ARHGEF33: variants seen among roughly 807,000 people sequenced by gnomAD.
ARHGEF33 encodes Rho guanine nucleotide exchange factor 33.
Under a neutral mutation model 101.9 loss-of-function variants are expected in ARHGEF33, and 72 were observed. The ratio of observed to expected loss-of-function variants is 0.71; its 90% CI spans 0.58 to 0.86. The LOEUF (loss-of-function observed/expected upper bound fraction) is 0.86, where lower values mean the gene tolerates loss of function less well. ARHGEF33 is among the 40% of genes least tolerant of loss of function. The pLI is 0.00. For synonymous variants in ARHGEF33, 499 were observed against 442.5 expected, an observed-to-expected ratio of 1.13 and a Z score of -1.60; for missense variants, 1,169 against 1,111.3, an observed-to-expected ratio of 1.05 and a Z score of -0.74.
intron 16 of ARHGEF33, among the ~76,000 whole-genome samples, chr2:38,965,737 T>C (rs1297727428): frequency 6.6e-6 from 1 of 151,646 alleles, no homozygotes; most frequent in Non-Finnish European, 1.5e-5. Context: ...GCTAATGTTC[T>C]TTATTTCCTT....
Position 38,929,080 on chromosome 2 carries a change from C to T in ARHGEF33, c.240+9C>T. On this transcript the variant is annotated intron_variant, in intron 5 of 17. Transcript: ENST00000409978. ...CATTAAACTATTTCAAGGTAGGCCT[C>T]TCTTTAATTTCCCTGCTGACAAGAG... The T allele has an allele frequency of 6.5e-7, 1 of 1,541,332 alleles. No individual in the cohort carries two copies. The highest frequency in any genetic ancestry group is 1.2e-5 in the South Asian group (1 of 82,378).
rs776287431 is a variant in ARHGEF33 at position 38,937,326 on chromosome 2, C to T, written c.566-9C>T. ...CTTTGTTTCCCCGCCCCTCCCCCCA[C>T]CCCACCAGGAGTGAACCCAACAACT... On this transcript the variant is annotated splice_polypyrimidine_tract_variant and intron_variant, in intron 8 of 17. Coordinates refer to ENST00000409978, the MANE Select transcript of ARHGEF33 (RefSeq NM_001145451.5). The T allele has an allele frequency of 5.3e-5, 22 of 411,408 alleles. No individual in the cohort carries two copies. Among genetic ancestry groups the T allele is most frequent in the East Asian group, 1.8e-4 (2 of 10,812 alleles). 25.5% of individuals were successfully genotyped at this position (411,408 alleles called of 1,614,324 possible). A position where few individuals can be genotyped will look rare whatever the true frequency, so the allele number is the denominator to read the frequency against.
At chr2:38,930,182 A>G (rs989339823) in intron 6 of ARHGEF33, among the ~76,000 whole-genome samples, 4 of 152,204 alleles carry the variant, frequency 2.6e-5, no homozygotes, top group African/African-American at 9.7e-5. Context: ...TTCTTTTTTT[A>G]TTAACTTTCT....
intron 2 of ARHGEF33, among the ~76,000 whole-genome samples, chr2:38,896,600 A>G (rs941657880): frequency 6.6e-6 from 1 of 152,208 alleles, no homozygotes; most frequent in African/African-American, 2.4e-5. Context: ...CCCACTTGAC[A>G]GTTGAGGGAG....
chr2:38,944,912 G>A (rs1032679954), intron 10 of ARHGEF33, among the ~76,000 whole-genome samples: 1 of 126,852 alleles, frequency 7.9e-6, no homozygotes, highest in Non-Finnish European at 1.6e-5. Context: ...CGCGCTCATA[G>A]GGTCTGCCAC....
At chr2:38,955,675 T>A (rs149388560) in intron 13 of ARHGEF33, among the ~76,000 whole-genome samples, 155 of 151,604 alleles carry the variant, frequency 1.0e-3, no homozygotes, top group Non-Finnish European at 2.1e-3. Flanking sequence ...TATTTATTTA[T>A]TTATTTATTT....
At chr2:38,899,434 C>G (rs1029353193) in intron 2 of ARHGEF33, among the ~76,000 whole-genome samples, 1 of 151,982 alleles carries the variant, frequency 6.6e-6, no homozygotes, top group African/African-American at 2.4e-5. Flanking sequence ...ATATTATGCT[C>G]AGAGAAATAA....
chr2:38,914,839 A>T (rs1403727740), intron 2 of ARHGEF33, among the ~76,000 whole-genome samples: 1 of 152,138 alleles, frequency 6.6e-6, no homozygotes. Context: ...TTATATGAGG[A>T]TGGAAAAAAT....
chr2:38,918,596 C>T (rs1402269960), intron 2 of ARHGEF33, among the ~76,000 whole-genome samples: 1 of 152,168 alleles, frequency 6.6e-6, no homozygotes, highest in African/African-American at 2.4e-5. Flanking sequence ...ATGGTCGTGT[C>T]AGACACAGCA....
chr2:38,925,905 C>T (rs1424659178), intron 4 of ARHGEF33, among the ~76,000 whole-genome samples: 1 of 151,828 alleles, frequency 6.6e-6, no homozygotes, highest in Non-Finnish European at 1.5e-5. Context: ...GTCCATAAAA[C>T]ACAAGTTGAA....
chr2:38,920,276 T>G (rs1666726029), intron 3 of ARHGEF33, among the ~76,000 whole-genome samples: 2 of 152,154 alleles, frequency 1.3e-5, no homozygotes, highest in South Asian at 4.1e-4. Context: ...AGCAACGAGC[T>G]GAATGTTTTA....
intron 2 of ARHGEF33, among the ~76,000 whole-genome samples, chr2:38,919,020 C>T (rs896917822): frequency 8.5e-5 from 13 of 152,132 alleles, no homozygotes; most frequent in African/African-American, 1.7e-4. Flanking sequence ...CACTCTATCC[C>T]GGGTGACAGA....
At chr2:38,926,012 CAAGAA>C (rs890550578) in intron 4 of ARHGEF33, among the ~76,000 whole-genome samples, 14 of 151,746 alleles carry the variant, frequency 9.2e-5, no homozygotes, top group African/African-American at 3.4e-4. Flanking sequence ...GTTAAGAAGC[CAAGAA>C]AAGAAAGAAA....
intron 2 of ARHGEF33, among the ~76,000 whole-genome samples, chr2:38,899,888 A>T (rs1264713196): frequency 6.6e-6 from 1 of 152,180 alleles, no homozygotes; most frequent in Non-Finnish European, 1.5e-5. Flanking sequence ...GGTACAATGG[A>T]TATGAATATG....
chr2:38,925,796 A>G (rs1423835766), intron 4 of ARHGEF33, among the ~76,000 whole-genome samples: 1 of 152,162 alleles, frequency 6.6e-6, no homozygotes, highest in African/African-American at 2.4e-5. Flanking sequence ...AAACCTTGAC[A>G]TTTATGACTT....
chr2:38,908,351 A>G (rs760169947), intron 2 of ARHGEF33, among the ~76,000 whole-genome samples: 1 of 152,238 alleles, frequency 6.6e-6, no homozygotes, highest in Non-Finnish European at 1.5e-5. Context: ...TAGGTCAAGT[A>G]TTAAAATGAG....
Position 38,931,131 on chromosome 2 carries a change from A to G in ARHGEF33, c.385A>G (p.Ser129Gly), listed in dbSNP as rs752267072. The change falls in exon 7 of 18, where the codon AGC becomes GGC. Residue 129 changes from serine (S) to glycine (G), a missense_variant. Ser to Gly is a moderately conservative substitution (Grantham distance 56). Coordinates refer to ENST00000409978, the MANE Select transcript of ARHGEF33 (RefSeq NM_001145451.5). The part of the protein sequence containing the change: ...KAKKTQKEEH[S>G]SQAGPAQAQG... ...TAGGAAAACTCAAAAAGAAGAGCACAGCTCACAGGCCGGGCCTGCCCAAGC... is the reference window on the plus strand; with the variant it reads ...TAGGAAAACTCAAAAAGAAGAGCACGGCTCACAGGCCGGGCCTGCCCAAGC... 191 of 1,549,452 alleles carry G rather than the reference A, an allele frequency of 1.2e-4. No individual in the cohort carries two copies. The highest frequency in any genetic ancestry group is 1.2e-4 in the Non-Finnish European group (137 of 1,146,398).
chr2:38,923,224 G>A (rs1666799796), intron 4 of ARHGEF33, among the ~76,000 whole-genome samples: 1 of 152,082 alleles, frequency 6.6e-6, no homozygotes, highest in Non-Finnish European at 1.5e-5. Flanking sequence ...TGACCTCTGT[G>A]ATGCTATTAT....
chr2:38,965,343 A>C (rs1668029908), intron 16 of ARHGEF33, among the ~76,000 whole-genome samples: 1 of 152,176 alleles, frequency 6.6e-6, no homozygotes, highest in Non-Finnish European at 1.5e-5. Flanking sequence ...CTTAGAAAAA[A>C]CTAGAGAGGT....
Sources: allele counts gnomAD v4.1 joint callset (sites outside exome capture counted in the v4.1 genomes callset), GRCh38; gene constraint gnomAD v4.1.1; transcripts MANE v1.5; gene names NCBI Gene and HGNC (gene_info 2026-07-23, HGNC 2026-07-21).